LRRC49: variants seen among roughly 807,000 people sequenced by gnomAD.
LRRC49 encodes the protein leucine rich repeat containing 49.
Under a neutral mutation model 83.3 loss-of-function variants are expected in LRRC49, and 50 were observed. That is an observed-to-expected ratio of 0.60 (90% confidence interval 0.48 to 0.76). The LOEUF is 0.76. Among genes scored for constraint, LRRC49 ranks in the 30% least tolerant of loss-of-function variants. LRRC49 has a pLI of 0.00. For missense variants in LRRC49, 704 were observed against 809.1 expected (o/e 0.87, Z 1.58); for synonymous variants, 286 against 283.3 (o/e 1.01, Z -0.10).
intron 12 of LRRC49, chr15:71,009,542 AG>A (rs1218750755): frequency 3.5e-6 from 1 of 288,146 alleles, no homozygotes; most frequent in Non-Finnish European, 6.4e-6. Flanking sequence ...GTATCTTTAA[AG>A]AATGTTGGTT....
At chr15:71,017,253 A>G (rs2038856315) in intron 14 of LRRC49, among the ~76,000 whole-genome samples, 1 of 152,202 alleles carries the variant, frequency 6.6e-6, no homozygotes, top group Admixed American at 6.5e-5. Flanking sequence ...CTTAATTCCC[A>G]ATCACAAATC....
intron 9 of LRRC49, among the ~76,000 whole-genome samples, chr15:70,970,301 A>G (rs2036947602): frequency 6.6e-6 from 1 of 152,124 alleles, no homozygotes. Flanking sequence ...AGTATGTTGA[A>G]CCAGCCTTGC....
At chr15:70,961,390 A>G (rs2141194887) in intron 8 of LRRC49, among the ~76,000 whole-genome samples, 1 of 152,306 alleles carries the variant, frequency 6.6e-6, no homozygotes, top group East Asian at 1.9e-4. Context: ...CAGCAGTTAT[A>G]CTCTTAGGTA....
At chr15:70,896,080 T>A (rs1054427031) in intron 3 of LRRC49, 144 bp downstream of exon 3, 2 of 583,792 alleles carry the variant, frequency 3.4e-6, no homozygotes, top group Non-Finnish European at 6.0e-6. Flanking sequence ...GGTATTTTTT[T>A]AAATCATTGG....
At chr15:71,020,696 C>A (rs1020117549) in intron 14 of LRRC49, among the ~76,000 whole-genome samples, 2 of 152,066 alleles carry the variant, frequency 1.3e-5, no homozygotes, top group African/African-American at 2.4e-5. Flanking sequence ...AATTACCAAC[C>A]TAGAATTCTA....
At chr15:71,025,697 C>G (rs1444071004) in intron 14 of LRRC49, among the ~76,000 whole-genome samples, 1 of 87,572 alleles carries the variant, frequency 1.1e-5, no homozygotes, top group African/African-American at 3.6e-5. Context: ...ATTTACCAAG[C>G]AAATAGAAAG....
At chr15:70,858,892 T>C (rs372168790) in intron 1 of LRRC49, 11 of 763,788 alleles carry the variant, frequency 1.4e-5, no homozygotes, top group East Asian at 9.7e-5. Flanking sequence ...GCCAGTGGTA[T>C]GGGAGGCATC....
At chr15:70,990,728 A>G (rs112399851) in intron 11 of LRRC49, among the ~76,000 whole-genome samples, 10 of 152,036 alleles carry the variant, frequency 6.6e-5, no homozygotes, top group African/African-American at 2.2e-4. Context: ...CTTCTGCGTC[A>G]CTCACGCTGG....
intron 1 of LRRC49, among the ~76,000 whole-genome samples, chr15:70,871,948 A>T (rs2033054894): frequency 6.7e-6 from 1 of 150,194 alleles, no homozygotes; most frequent in South Asian, 2.1e-4. Flanking sequence ...CACATCCCAG[A>T]CGATGGGCGG....
chr15:70,995,642 G>A (rs2038049618), intron 11 of LRRC49, among the ~76,000 whole-genome samples: 1 of 152,082 alleles, frequency 6.6e-6, no homozygotes, highest in Non-Finnish European at 1.5e-5. Context: ...TTTATTAAAT[G>A]ACTCTTTTAT....
intron 12 of LRRC49, 118 bp from the exon 13 acceptor site, chr15:71,009,689 T>G: frequency 1.6e-6 from 1 of 631,654 alleles, no homozygotes; most frequent in South Asian, 2.8e-5. Flanking sequence ...TGAAAACATA[T>G]TTGCTAAGCC....
chr15:70,881,411 A>G (rs1483253450), intron 2 of LRRC49: 1 of 152,234 alleles, frequency 6.6e-6, no homozygotes, highest in African/African-American at 2.4e-5. Context: ...AATAACTTTG[A>G]TGTATTATTT....
At chr15:70,934,776 A>T (rs2035539719) in intron 7 of LRRC49, among the ~76,000 whole-genome samples, 1 of 152,228 alleles carries the variant, frequency 6.6e-6, no homozygotes. Context: ...AGGATTTAAA[A>T]TGTATTTTTA....
rs1011606992 is a variant in LRRC49 at position 71,034,359 on chromosome 15, C to T, written c.1704-2820C>T. Among the ~76,000 whole-genome samples the T allele has an allele frequency of 7.2e-5, 11 of 152,116 alleles. No individual in the cohort carries two copies. The East Asian group carries it at 7.7e-4, about 11-fold the overall frequency. On this transcript the variant is annotated intron_variant, in intron 14 of 15. Coordinates refer to ENST00000260382, the MANE Select transcript of LRRC49 (RefSeq NM_017691.5). The stretch of plus-strand genomic sequence containing the variant: ...TACTATCTCATGCCATTCAGAATGA[C>T]GATTATTAAAAAATCTAGAAACAAC...
chr15:70,970,306 C>G (rs1028777947), intron 9 of LRRC49, among the ~76,000 whole-genome samples: 1 of 152,132 alleles, frequency 6.6e-6, no homozygotes, highest in Non-Finnish European at 1.5e-5. Flanking sequence ...GTTGAACCAG[C>G]CTTGCATCCC....
chr15:71,033,942 A>G (rs1596166047), intron 14 of LRRC49, among the ~76,000 whole-genome samples: 1 of 152,358 alleles, frequency 6.6e-6, no homozygotes, highest in East Asian at 1.9e-4. Flanking sequence ...CCTAGAAGAA[A>G]ATCTAGGCAA....
intron 15 of LRRC49, among the ~76,000 whole-genome samples, chr15:71,044,687 A>G (rs2039798002): frequency 6.6e-6 from 1 of 151,808 alleles, no homozygotes; most frequent in Non-Finnish European, 1.5e-5. Flanking sequence ...TGGAGAAGGT[A>G]AGGTGGGAGG....
intron 2 of LRRC49, chr15:70,882,566 G>C (rs1183092377): frequency 6.2e-7 from 1 of 1,613,936 alleles, no homozygotes; most frequent in Non-Finnish European, 8.5e-7. Context: ...GTCAAAGAGA[G>C]AGGAAGTTCT....
chr15:70,987,721 T>A (rs1000794718), intron 11 of LRRC49, among the ~76,000 whole-genome samples: 4 of 152,170 alleles, frequency 2.6e-5, no homozygotes, highest in African/African-American at 9.7e-5. Flanking sequence ...CTTTTAATTG[T>A]GATGTTAGGG....
Sources: allele counts gnomAD v4.1 joint callset (sites outside exome capture counted in the v4.1 genomes callset), GRCh38; gene constraint gnomAD v4.1.1; transcripts MANE v1.5; gene names NCBI Gene and HGNC (gene_info 2026-07-23, HGNC 2026-07-21).